ELFN1: variants seen among roughly 807,000 people sequenced by gnomAD.
The protein encoded by ELFN1 is extracellular leucine rich repeat and fibronectin type III domain containing 1, also known as protein ELFN1.
In ELFN1, 6 loss-of-function variants were observed where a neutral mutation model predicts 7.6. That is an observed-to-expected ratio of 0.79 (90% CI 0.43 to 1.56). ELFN1 has a LOEUF of 1.56. Among genes scored for constraint, ELFN1 ranks in the 40% most tolerant of loss-of-function variants. The probability of loss-of-function intolerance (pLI) is 0.01; values close to 1 mark genes in which losing one functional copy is unlikely to be tolerated. For missense variants in ELFN1, 1,169 were observed against 1,232.2 expected, an observed-to-expected ratio of 0.95 and a Z score of 0.77; for synonymous variants, 657 against 588.1, an observed-to-expected ratio of 1.12 and a Z score of -1.70.
Position 1,705,447 on chromosome 7 carries a change from G to A in ELFN1, c.-455-3644G>A, listed in dbSNP as rs538460701. 4.6e-5 allele frequency among the ~76,000 whole-genome samples: 7 copies of A among 152,340 alleles called. No homozygotes were observed. The South Asian group carries it at 1.4e-3, about 32-fold the overall frequency. ...TTCTTCATCCTGGAAGGAGGAGGAG[G>A]AGCTCCCCCCAACCGCCAGGGTGCC... On this transcript the variant is annotated intron_variant, in intron 2 of 3. Transcript: ENST00000424383. The surrounding 1 kb of genome is among the most constrained non-coding windows in gnomAD (Gnocchi z 4.3).
At chr7:1,680,134 G>A (rs561475041) in intron 1 of ELFN1, among the ~76,000 whole-genome samples, 2 of 152,336 alleles carry the variant, frequency 1.3e-5, no homozygotes, top group East Asian at 1.9e-4. Context: ...GTCTGGATAC[G>A]AAAGCAAAAC....
chr7:1,735,763 C>G lies in ELFN1; in HGVS notation c.-293-8541C>G, dbSNP rs1407918193. On this transcript the variant is annotated intron_variant, in intron 3 of 3. Transcript: ENST00000424383. This position sits in a 1 kb window ranked among gnomAD's most constrained non-coding sequence, Gnocchi z 5.9. ...TCCCATACTGCCTTGCACTCACCTT[C>G]CCTCCCCTACTGAGGAGGAAATGAG... 6.6e-6 allele frequency among the ~76,000 whole-genome samples: 1 copy of G among 152,142 alleles called. No individual in the cohort carries two copies. The highest frequency in any genetic ancestry group is 6.5e-5 in the Admixed American group (1 of 15,284).
At chr7:1,713,012 C>G (rs1779708267) in intron 3 of ELFN1, among the ~76,000 whole-genome samples, 1 of 152,198 alleles carries the variant, frequency 6.6e-6, no homozygotes, top group Non-Finnish European at 1.5e-5. Flanking sequence ...TCAGCAGTCT[C>G]CGGAACACCG....
intron 1 of ELFN1, among the ~76,000 whole-genome samples, chr7:1,686,146 T>C (rs1019615363): frequency 8.6e-5 from 13 of 151,662 alleles, no homozygotes; most frequent in Non-Finnish European, 1.6e-4. Flanking sequence ...TCAGGTAATA[T>C]ATTGCAGCAG....
chr7:1,719,858 G>A (rs1412087567), intron 3 of ELFN1, among the ~76,000 whole-genome samples: 1 of 143,692 alleles, frequency 7.0e-6, no homozygotes, highest in African/African-American at 2.6e-5. Context: ...GCAAACCCTA[G>A]CCCCAGCCAC....
In ELFN1 at chr7:1,670,937, T is replaced by C. The variant is rs1052862459; in HGVS notation, c.-549+583T>C. ...CTGAGTCCAACCACTGGCGGGGGGGTGGGGTGGGGGGCTTCGCTCCGAACT... is the reference window on the plus strand; with the variant it reads ...CTGAGTCCAACCACTGGCGGGGGGGCGGGGTGGGGGGCTTCGCTCCGAACT... On this transcript the variant is annotated intron_variant, in intron 1 of 3. Coordinates refer to ENST00000424383, the MANE Select transcript of ELFN1 (RefSeq NM_001128636.4). This position sits in a 1 kb window ranked among gnomAD's most constrained non-coding sequence, Gnocchi z 6.4. Among the ~76,000 whole-genome samples, 322 of 138,940 alleles carry C rather than the reference T, an allele frequency of 2.3e-3. No homozygotes were observed. Among genetic ancestry groups the C allele is most frequent in the Non-Finnish European group, 4.3e-3 (271 of 63,374 alleles). 91.2% of individuals were successfully genotyped at this position (138,940 alleles called of 152,430 possible). A position where few individuals can be genotyped will look rare whatever the true frequency, so the allele number is the denominator to read the frequency against.
At chr7:1,677,467 C>T (rs1374099219) in intron 1 of ELFN1, among the ~76,000 whole-genome samples, 4 of 152,152 alleles carry the variant, frequency 2.6e-5, no homozygotes, top group Non-Finnish European at 4.4e-5. Flanking sequence ...CGCATGTTCA[C>T]GTGTGTGCGT....
chr7:1,743,046 T>C (rs1296028848), intron 3 of ELFN1, among the ~76,000 whole-genome samples: 1 of 151,244 alleles, frequency 6.6e-6, no homozygotes, highest in Non-Finnish European at 1.5e-5. Context: ...GGCCGGGAGG[T>C]GAGGTCGCAC....
intron 1 of ELFN1, among the ~76,000 whole-genome samples, chr7:1,684,453 C>T (rs974960790): frequency 3.3e-5 from 5 of 151,952 alleles, no homozygotes; most frequent in African/African-American, 9.7e-5. Context: ...CTGTTTAGTC[C>T]ATTCACACTT....
At chr7:1,723,270 G>A (rs187225750) in intron 3 of ELFN1, among the ~76,000 whole-genome samples, 1 of 152,318 alleles carries the variant, frequency 6.6e-6, no homozygotes, top group East Asian at 1.9e-4. Context: ...GCGGTTCAGT[G>A]GTGTTCAGTG....
intron 3 of ELFN1, among the ~76,000 whole-genome samples, chr7:1,721,989 C>T (rs1780036666): frequency 6.6e-6 from 1 of 152,196 alleles, no homozygotes; most frequent in Admixed American, 6.5e-5. Flanking sequence ...ACATCCCATC[C>T]TTTACTACAA....
chr7:1,668,316 C>T (rs1186926377), upstream of ELFN1, among the ~76,000 whole-genome samples: 2 of 152,234 alleles, frequency 1.3e-5, no homozygotes, highest in African/African-American at 2.4e-5. Context: ...TGGCGCGGCT[C>T]CTCCGGGCAG....
intron 3 of ELFN1, among the ~76,000 whole-genome samples, chr7:1,729,195 G>A: frequency 6.6e-6 from 1 of 152,214 alleles, no homozygotes; most frequent in Admixed American, 6.5e-5. Context: ...GCCCCCTGTG[G>A]TGGATGGGGA....
rs1325977772 is a variant in ELFN1 at position 1,695,127 on chromosome 7, ATGG to A, written c.-456+6981_-456+6983del. 6.6e-6 allele frequency among the ~76,000 whole-genome samples: 1 copy of A among 152,204 alleles called. No homozygotes were observed. Among genetic ancestry groups the A allele is most frequent in the Non-Finnish European group, 1.5e-5 (1 of 68,032 alleles). On this transcript the variant is annotated intron_variant, in intron 2 of 3. Transcript: ENST00000424383. This position sits in a 1 kb window ranked among gnomAD's most constrained non-coding sequence, Gnocchi z 5.1. ...GGCAGCAGACGTGGCCGACAGGCAC[ATGG>A]TGGGACCTGCTCTGTGGCTCCAGAG...
upstream of ELFN1, among the ~76,000 whole-genome samples, chr7:1,666,119 C>G (rs963687164): frequency 6.6e-6 from 1 of 152,030 alleles, no homozygotes. The surrounding 1 kb of genome is among the most constrained non-coding windows in gnomAD (Gnocchi z 7.9). Context: ...GGTGCGCGCG[C>G]TCTGCTCGCC....
intron 2 of ELFN1, among the ~76,000 whole-genome samples, chr7:1,708,576 G>A (rs1418407121): frequency 2.6e-5 from 4 of 152,198 alleles, no homozygotes; most frequent in African/African-American, 9.7e-5. Flanking sequence ...GCCAGGGGTG[G>A]AGCAGTTCTG....
At chr7:1,722,213 C>G (rs1269721123) in intron 3 of ELFN1, among the ~76,000 whole-genome samples, 1 of 151,216 alleles carries the variant, frequency 6.6e-6, no homozygotes, top group East Asian at 1.9e-4. Context: ...TTGGAAGCCT[C>G]TTTTTCTAAA....
chr7:1,742,797 G>A (rs923049998), intron 3 of ELFN1, among the ~76,000 whole-genome samples: 11 of 152,122 alleles, frequency 7.2e-5, no homozygotes, highest in African/African-American at 1.7e-4. Flanking sequence ...TCCAGGAGCC[G>A]GAACAAAATT....
chr7:1,700,923 C>G lies in ELFN1; in HGVS notation c.-455-8168C>G, dbSNP rs546826582. Among the ~76,000 whole-genome samples, 18 of 152,324 alleles carry G rather than the reference C, an allele frequency of 1.2e-4. No homozygotes were observed. The South Asian group carries it at 3.5e-3, about 30-fold the overall frequency. On this transcript the variant is annotated intron_variant, in intron 2 of 3. Transcript: ENST00000424383. ...CATTTGTGAAATGCCTTTTCAAGAT[C>G]TCTGCTCATTTTATGACTGAGGTGT...
Sources: gnomAD v4.1 joint callset for allele counts (sites outside exome capture counted in the v4.1 genomes callset) on GRCh38, gnomAD v4.1.1 for gene constraint, Gnocchi (gnomAD v3.1) non-coding constraint, MANE v1.5 for transcripts, NCBI Gene and HGNC (gene_info 2026-07-23, HGNC 2026-07-21) for gene names.